Variants in CATSPERT observed in about 807,000 individuals in gnomAD.
CATSPERT encodes cation channel sperm-associated targeting subunit tau.
chr2:201,577,201 G>A, the CATSPERT span, among the ~76,000 whole-genome samples: 2 of 151,910 alleles, frequency 1.3e-5, no homozygotes, highest in African/African-American at 4.8e-5. Flanking sequence ...TTAGACTTGG[G>A]TCCCATCCTC....
the CATSPERT span, chr2:201,601,988 A>G: frequency 2.5e-6 from 2 of 787,928 alleles, no homozygotes; most frequent in East Asian, 2.9e-5. Context: ...CTAAGAATCA[A>G]TCATGTAGCA....
chr2:201,502,322 C>T, the CATSPERT span, among the ~76,000 whole-genome samples: 2 of 152,038 alleles, frequency 1.3e-5, no homozygotes, highest in Admixed American at 6.5e-5. Flanking sequence ...GCCTGTAATC[C>T]CAGCACTTTG....
At chr2:201,522,014 T>C in the CATSPERT span, among the ~76,000 whole-genome samples, 2 of 152,148 alleles carry the variant, frequency 1.3e-5, no homozygotes, top group Admixed American at 6.5e-5. Flanking sequence ...TTAATACACT[T>C]CAGTATACAA....
chr2:201,517,913 G>C, the CATSPERT span, among the ~76,000 whole-genome samples: 1 of 152,330 alleles, frequency 6.6e-6, no homozygotes, highest in East Asian at 1.9e-4. Context: ...CAAGGTAATA[G>C]CTACTTTTCA....
At chr2:201,514,037 T>C in the CATSPERT span, among the ~76,000 whole-genome samples, 3 of 152,130 alleles carry the variant, frequency 2.0e-5, no homozygotes, top group Non-Finnish European at 2.9e-5. Context: ...ATGGGATAAA[T>C]TTAAAGCAGT....
the CATSPERT span, among the ~76,000 whole-genome samples, chr2:201,570,153 A>G: frequency 6.6e-6 from 1 of 152,192 alleles, no homozygotes; most frequent in African/African-American, 2.4e-5. Context: ...CCTAGGCAAC[A>G]GAACAAGACC....
At chr2:201,498,335 A>G in the CATSPERT span, among the ~76,000 whole-genome samples, 1 of 152,178 alleles carries the variant, frequency 6.6e-6, no homozygotes, top group Non-Finnish European at 1.5e-5. Flanking sequence ...CAAGTCCCAG[A>G]GTCCAAAGGC....
chr2:201,491,239 G>C, the CATSPERT span: 1 of 1,537,918 alleles, frequency 6.5e-7, no homozygotes. Flanking sequence ...AATTCTTGTG[G>C]TGGGCAGTGT....
the CATSPERT span, among the ~76,000 whole-genome samples, chr2:201,514,967 A>G: frequency 6.6e-6 from 1 of 152,130 alleles, no homozygotes; most frequent in Non-Finnish European, 1.5e-5. Flanking sequence ...TTGCAAAACC[A>G]AAATGATGCT....
At chr2:201,557,200 A>G in the CATSPERT span, 3 of 152,332 alleles carry the variant, frequency 2.0e-5, no homozygotes, top group Admixed American at 2.0e-4. Context: ...ACATAAATTT[A>G]AATTCAAACA....
chr2:201,575,405 A>G, the CATSPERT span: 3 of 1,150,916 alleles, frequency 2.6e-6, no homozygotes, highest in Non-Finnish European at 3.6e-6. Context: ...AGGGTCCCCA[A>G]CCCCTAGGCC....
the CATSPERT span, among the ~76,000 whole-genome samples, chr2:201,612,824 C>T: frequency 6.6e-6 from 1 of 152,166 alleles, no homozygotes. Flanking sequence ...TGACAGACGG[C>T]ACCTGGAAAA....
the CATSPERT span, among the ~76,000 whole-genome samples, chr2:201,537,228 C>T: frequency 2.3e-3 from 343 of 151,836 alleles, 3 homozygotes; most frequent in African/African-American, 7.9e-3. Flanking sequence ...CATTTTGTCC[C>T]CTATCTTCAT....
the CATSPERT span, among the ~76,000 whole-genome samples, chr2:201,599,484 A>C: frequency 5.3e-5 from 8 of 152,076 alleles, no homozygotes; most frequent in African/African-American, 1.7e-4. Context: ...TATAACATAC[A>C]TTTTTGTTAG....
the CATSPERT span, among the ~76,000 whole-genome samples, chr2:201,566,271 A>C: frequency 6.6e-6 from 1 of 151,124 alleles, no homozygotes; most frequent in South Asian, 2.1e-4. Flanking sequence ...GGTTTGTTAC[A>C]TATGTATACA....
chr2:201,611,530 A>G, the CATSPERT span, among the ~76,000 whole-genome samples: 1 of 152,192 alleles, frequency 6.6e-6, no homozygotes, highest in Non-Finnish European at 1.5e-5. Context: ...CAAATAAACA[A>G]CCTAACTTTA....
At chr2:201,524,987 A>G in the CATSPERT span, among the ~76,000 whole-genome samples, 1 of 152,240 alleles carries the variant, frequency 6.6e-6, no homozygotes, top group Non-Finnish European at 1.5e-5. Context: ...GAGACCTACA[A>G]GGAGACTTAG....
the CATSPERT span, among the ~76,000 whole-genome samples, chr2:201,590,396 T>G: frequency 1.3e-5 from 2 of 152,126 alleles, no homozygotes; most frequent in African/African-American, 4.8e-5. Context: ...TGTTCGACAT[T>G]TGGGTTGGTT....
At chr2:201,577,501 A>T in the CATSPERT span, among the ~76,000 whole-genome samples, 1 of 152,250 alleles carries the variant, frequency 6.6e-6, no homozygotes, top group Non-Finnish European at 1.5e-5. Flanking sequence ...TCATCACCAA[A>T]TGAACAGATG....
Sources: allele counts gnomAD v4.1 joint callset (sites outside exome capture counted in the v4.1 genomes callset), GRCh38; gene constraint gnomAD v4.1.1; transcripts MANE v1.5; gene names NCBI Gene and HGNC (gene_info 2026-07-23, HGNC 2026-07-21).